The following DCC variants were observed in gnomAD, a reference collection of about 807,000 sequenced individuals.
DCC encodes the protein netrin receptor DCC.
Under a neutral mutation model 172.5 loss-of-function variants are expected in DCC, and 58 were observed. The ratio of observed to expected loss-of-function variants is 0.34; its 90% CI spans 0.27 to 0.42. The LOEUF is 0.42. DCC is among the 10% of genes least tolerant of loss of function. The probability of loss-of-function intolerance (pLI) is 1.00; values close to 1 mark genes in which losing one functional copy is unlikely to be tolerated. For synonymous variants in DCC, 709 were observed against 644.5 expected (o/e 1.10, Z -1.52); for missense variants, 1,740 against 1,791.0 (o/e 0.97, Z 0.51).
intron 2 of DCC, among the ~76,000 whole-genome samples, chr18:52,883,348 TTATGTGTGTGTGTGTGTGTG>T (rs770964466): frequency 3.8e-5 from 4 of 106,228 alleles, no homozygotes; most frequent in Admixed American, 3.6e-4. Flanking sequence ...ATTTATTTAT[TTATGTGTGTGTGTGTGTGTG>T]TGTGTGTGTG....
chr18:52,395,650 A>T (rs1986197041), intron 1 of DCC, among the ~76,000 whole-genome samples: 1 of 152,016 alleles, frequency 6.6e-6, no homozygotes, highest in African/African-American at 2.4e-5. Flanking sequence ...AGTCAAACTG[A>T]TACTTCTCGG....
intron 20 of DCC, 28 bp from the exon 21 acceptor site, chr18:53,416,096 A>C (rs763840197): frequency 1.3e-6 from 2 of 1,580,120 alleles, no homozygotes; most frequent in Non-Finnish European, 1.7e-6. Context: ...GTCAAAGTCT[A>C]ATAATGTTAT....
At chr18:52,886,473 G>A (rs745589893) in intron 2 of DCC, among the ~76,000 whole-genome samples, 6 of 152,152 alleles carry the variant, frequency 3.9e-5, no homozygotes, top group East Asian at 3.9e-4. Flanking sequence ...TCCCCCAGTC[G>A]CTGTGCTGTC....
At chr18:53,303,006 A>G (rs1204684189) in intron 12 of DCC, among the ~76,000 whole-genome samples, 1 of 152,162 alleles carries the variant, frequency 6.6e-6, no homozygotes, top group Non-Finnish European at 1.5e-5. Flanking sequence ...AGTCTCAAGT[A>G]TTCCAGTTTT....
chr18:53,384,204 C>A (rs1907974711), intron 15 of DCC, among the ~76,000 whole-genome samples: 1 of 151,828 alleles, frequency 6.6e-6, no homozygotes, highest in South Asian at 2.1e-4. Flanking sequence ...AAGTTTGTAC[C>A]CTTTATGTTT....
At chr18:52,385,294 GAGAC>G (rs1985749800) in intron 1 of DCC, among the ~76,000 whole-genome samples, 1 of 151,792 alleles carries the variant, frequency 6.6e-6, no homozygotes, top group Non-Finnish European at 1.5e-5. Context: ...ATTTATTTTG[GAGAC>G]AGAGTCTTGT....
In DCC at chr18:53,322,156, TG is replaced by T; in HGVS notation, c.2164+1del. The stretch of plus-strand genomic sequence containing the variant: ...CAGAGACTCCAGAGAATGATCTAGA[TG>T]GTAAGACTTTTTCCCAGTTACTATC... ...TAETPENDLD[E>X]SQVPDQPSSL... On this transcript the variant is annotated frameshift_variant and splice_region_variant, in exon 14 of 29. Transcript: ENST00000442544. LOFTEE classifies it high-confidence loss of function. 6.9e-7 allele frequency: 1 copy of T among 1,442,868 alleles called. No homozygotes were observed. Among genetic ancestry groups the T allele is most frequent in the Non-Finnish European group, 9.8e-7 (1 of 1,023,608 alleles). 89.4% of individuals were successfully genotyped at this position (1,442,868 alleles called of 1,614,324 possible).
intron 7 of DCC, among the ~76,000 whole-genome samples, chr18:53,155,096 C>CTT (rs111610643): frequency 1.4e-5 from 2 of 144,342 alleles, no homozygotes; most frequent in Admixed American, 7.0e-5. Flanking sequence ...ACTTTGAATA[C>CTT]TTTTTTTTTT....
rs181760002 is a variant in DCC at position 52,361,256 on chromosome 18, A to G, written c.91+20378A>G. Among the ~76,000 whole-genome samples, 7 of 152,352 alleles carry G rather than the reference A, an allele frequency of 4.6e-5. No homozygotes were observed. In the East Asian group the frequency reaches 1.3e-3, roughly 29 times the overall value. On this transcript the variant is annotated intron_variant, in intron 1 of 28. Coordinates refer to ENST00000442544, the MANE Select transcript of DCC (RefSeq NM_005215.4). ...AATTGTTCCATAATCCCATCACTTC[A>G]GAATAAACCACAATTTATTTGTTTT...
At chr18:53,119,382 C>T (rs951895991) in intron 7 of DCC, among the ~76,000 whole-genome samples, 2 of 151,704 alleles carry the variant, frequency 1.3e-5, no homozygotes, top group African/African-American at 4.8e-5. Flanking sequence ...AGAATGTGTT[C>T]CTGGCTCAAC....
intron 12 of DCC, among the ~76,000 whole-genome samples, chr18:53,257,368 T>G (rs543747838): frequency 2.3e-4 from 35 of 152,330 alleles, no homozygotes; most frequent in Non-Finnish European, 2.1e-4. Flanking sequence ...ATAGCTCTGA[T>G]TATTTTGAGA....
chr18:52,737,601 G>A (rs1431676310), intron 1 of DCC, among the ~76,000 whole-genome samples: 1 of 152,074 alleles, frequency 6.6e-6, no homozygotes, highest in Non-Finnish European at 1.5e-5. Context: ...TAGGTACAGC[G>A]GGGAGTAGTA....
intron 21 of DCC, among the ~76,000 whole-genome samples, chr18:53,434,159 C>T (rs1216215697): frequency 2.0e-5 from 3 of 152,098 alleles, no homozygotes; most frequent in East Asian, 1.9e-4. Context: ...TGTGAGAAAA[C>T]AACCTATGTT....
chr18:52,815,616 A>G (rs1002381413), intron 2 of DCC, among the ~76,000 whole-genome samples: 1 of 152,206 alleles, frequency 6.6e-6, no homozygotes, highest in Non-Finnish European at 1.5e-5. Context: ...GAAGCCACTC[A>G]GTTGCTAGTG....
chr18:52,615,251 G>A (rs2034358077), intron 1 of DCC, among the ~76,000 whole-genome samples: 1 of 152,202 alleles, frequency 6.6e-6, no homozygotes, highest in African/African-American at 2.4e-5. Context: ...ATCAATTTAT[G>A]TCAGTTGCAG....
chr18:52,411,638 A>G (rs1253220389), intron 1 of DCC, among the ~76,000 whole-genome samples: 1 of 152,136 alleles, frequency 6.6e-6, no homozygotes, highest in Non-Finnish European at 1.5e-5. Context: ...TTCATCATGA[A>G]TAGTGAAGTA....
At chr18:52,834,836 G>A (rs117696444) in intron 2 of DCC, among the ~76,000 whole-genome samples, 1 of 151,328 alleles carries the variant, frequency 6.6e-6, no homozygotes, top group African/African-American at 2.4e-5. Context: ...AGGCAAAAAA[G>A]GTAAGTTTTC....
chr18:52,996,822 A>G (rs1201794955), intron 5 of DCC, among the ~76,000 whole-genome samples: 1 of 134,582 alleles, frequency 7.4e-6, no homozygotes, highest in African/African-American at 2.8e-5. Context: ...ACACACACAC[A>G]TCTCCCTCTC....
chr18:53,264,188 GTAT>G (rs1441266727), intron 12 of DCC, among the ~76,000 whole-genome samples: 1 of 151,994 alleles, frequency 6.6e-6, no homozygotes, highest in Admixed American at 6.6e-5. Context: ...TTGGGAAGCA[GTAT>G]TTAAAAGAAA....
Sources: gnomAD v4.1 joint callset for allele counts (sites outside exome capture counted in the v4.1 genomes callset) on GRCh38, gnomAD v4.1.1 for gene constraint, MANE v1.5 for transcripts, NCBI Gene and HGNC (gene_info 2026-07-23, HGNC 2026-07-21) for gene names.